UNC13C: variants seen among roughly 807,000 people sequenced by gnomAD.
UNC13C encodes protein unc-13 homolog C.
A neutral mutation model predicts 245.4 loss-of-function variants in UNC13C; 174 were observed. That is an observed-to-expected ratio of 0.71 (90% CI 0.63 to 0.80). The LOEUF (loss-of-function observed/expected upper bound fraction) is 0.80. Ranked by LOEUF, UNC13C falls within the 30% of genes least tolerant of loss-of-function variation. The pLI is 0.00. For missense variants in UNC13C, 2,829 were observed against 2,602.9 expected (o/e 1.09, Z -1.89); for synonymous variants, 992 against 895.1 (o/e 1.11, Z -1.93).
At chr15:54,171,054 G>A (rs979335696) in intron 4 of UNC13C, among the ~76,000 whole-genome samples, 2 of 152,100 alleles carry the variant, frequency 1.3e-5, no homozygotes, top group African/African-American at 4.8e-5. Context: ...CAATTAATGA[G>A]TTTTGTCAAA....
chr15:54,368,173 C>T (rs74514595), intron 17 of UNC13C, among the ~76,000 whole-genome samples: 9,743 of 152,000 alleles, frequency 0.064, 535 homozygotes, highest in East Asian at 0.22. Context: ...ACACTTTACC[C>T]TATGTTTTTG....
Position 54,298,839 on chromosome 15 carries a change from C to G in UNC13C, c.4104+913C>G, listed in dbSNP as rs140899522. On this transcript the variant is annotated intron_variant, in intron 12 of 32. Transcript: ENST00000260323. Reference sequence around the variant, plus strand: ...TCATGTGTTTCAAAGTAACAAAGTACCTTCCTCAGAAAAAGACAACTGAAA... The same window carrying G: ...TCATGTGTTTCAAAGTAACAAAGTAGCTTCCTCAGAAAAAGACAACTGAAA... 3.9e-5 allele frequency among the ~76,000 whole-genome samples: 6 copies of G among 152,196 alleles called. No homozygotes were observed. The East Asian group carries it at 1.2e-3, about 29-fold the overall frequency.
intron 19 of UNC13C, among the ~76,000 whole-genome samples, chr15:54,493,016 G>A (rs1893790068): frequency 6.6e-6 from 1 of 152,138 alleles, no homozygotes; most frequent in African/African-American, 2.4e-5. Context: ...AAGTGATAGA[G>A]GAGCCCAAGA....
At chr15:53,843,204 C>T in the UNC13C span, among the ~76,000 whole-genome samples, 92 of 152,060 alleles carry the variant, frequency 6.1e-4, 2 homozygotes, top group South Asian at 0.019. Flanking sequence ...TTTGGGAGGC[C>T]GAGACAGGCA....
intron 2 of UNC13C, among the ~76,000 whole-genome samples, chr15:54,057,355 A>C (rs1197223808): frequency 7.9e-5 from 12 of 151,506 alleles, no homozygotes; most frequent in Non-Finnish European, 1.5e-5. Flanking sequence ...AGATCAAAAG[A>C]GACAAAGAAG....
rs1369659154 is a variant in UNC13C, at chr15:54,441,456, T to A, written c.4933+26389T>A. Among the ~76,000 whole-genome samples the A allele has an allele frequency of 2.6e-5, 4 of 152,102 alleles. 1 individual carries two copies. The highest frequency in any genetic ancestry group is 5.9e-5 in the Non-Finnish European group (4 of 67,992). On this transcript the variant is annotated intron_variant, in intron 19 of 32. Transcript: ENST00000260323. ...TTTCCTGATATATGTTCTTGGCACC[T>A]TTGGAGGGAATCAGTAGGCACCCTT...
Position 54,237,885 on chromosome 15 carries a change from T to A in UNC13C, c.3228+195T>A, listed in dbSNP as rs111830728. On this transcript the variant is annotated intron_variant, in intron 7 of 32. Transcript: ENST00000260323. ...AATCATTGTCTTCTCCTCAAATACT[T>A]ATAAACCTTCCTATCTTTACAAATG... 2.6e-5 allele frequency among the ~76,000 whole-genome samples: 4 copies of A among 152,276 alleles called. 1 individual carries two copies. Among genetic ancestry groups the A allele is most frequent in the African/African-American group, 9.6e-5 (4 of 41,560 alleles).
intron 24 of UNC13C, among the ~76,000 whole-genome samples, chr15:54,519,798 T>A (rs1895140021): frequency 6.6e-6 from 1 of 152,148 alleles, no homozygotes; most frequent in Non-Finnish European, 1.5e-5. Context: ...GTATTCATGC[T>A]GACACCACAG....
chr15:54,047,847 A>G (rs186900093), intron 2 of UNC13C, among the ~76,000 whole-genome samples: 2 of 152,260 alleles, frequency 1.3e-5, no homozygotes, highest in Non-Finnish European at 2.9e-5. Flanking sequence ...AAATAGTTCA[A>G]TGTTTTATTA....
intron 18 of UNC13C, among the ~76,000 whole-genome samples, chr15:54,403,932 A>G (rs1278866860): frequency 6.6e-6 from 1 of 152,150 alleles, no homozygotes; most frequent in Non-Finnish European, 1.5e-5. Context: ...AAAAATTTCT[A>G]CCACAGCATT....
chr15:54,374,411 C>A (rs1450035421), intron 17 of UNC13C, among the ~76,000 whole-genome samples: 1 of 152,170 alleles, frequency 6.6e-6, no homozygotes, highest in African/African-American at 2.4e-5. Flanking sequence ...CTCTCATGCC[C>A]CTCAGCACCC....
intron 4 of UNC13C, among the ~76,000 whole-genome samples, chr15:54,222,708 A>G (rs183239892): frequency 1.9e-4 from 29 of 152,228 alleles, no homozygotes; most frequent in Admixed American, 6.5e-5. Context: ...CAATCCCACC[A>G]TCAGTGAACA....
chr15:54,424,812 T>A (rs1409649010), intron 19 of UNC13C, among the ~76,000 whole-genome samples: 1 of 151,848 alleles, frequency 6.6e-6, no homozygotes, highest in Non-Finnish European at 1.5e-5. Flanking sequence ...CAGGAGCAGC[T>A]TGGATCATGG....
At chr15:53,992,138 G>A (rs150666482) in intron 1 of UNC13C, among the ~76,000 whole-genome samples, 1 of 151,968 alleles carries the variant, frequency 6.6e-6, no homozygotes, top group South Asian at 2.1e-4. Flanking sequence ...TCCTTGCCAG[G>A]TGTTAAATTT....
rs74554622 is a variant in UNC13C, at chr15:54,048,715, T to A, written c.2983+32829T>A. On this transcript the variant is annotated intron_variant, in intron 2 of 32. Transcript: ENST00000260323. ...CAAAGTCTTACATCATCTTCCCATT[T>A]TGAACTGCCTCCATATTCAGGGAGA... 615 of 287,122 alleles carry A rather than the reference T, an allele frequency of 2.1e-3. 7 individuals carry two copies. Among genetic ancestry groups the A allele is most frequent in the African/African-American group, 0.013 (597 of 44,560 alleles). 17.8% of individuals were successfully genotyped at this position (287,122 alleles called of 1,614,324 possible). A position where few individuals can be genotyped will look rare whatever the true frequency, so the allele number is the denominator to read the frequency against.
At chr15:54,254,626 A>G (rs150583538) in intron 8 of UNC13C, among the ~76,000 whole-genome samples, 58 of 152,322 alleles carry the variant, frequency 3.8e-4, no homozygotes, top group African/African-American at 1.4e-3. Context: ...TGAGTTAGGA[A>G]ACTCAGTCTA....
intron 1 of UNC13C, among the ~76,000 whole-genome samples, chr15:53,982,336 A>G (rs1330478611): frequency 6.6e-6 from 1 of 152,162 alleles, no homozygotes; most frequent in African/African-American, 2.4e-5. Context: ...CATGTGTTTT[A>G]TAAGTTGAAA....
At chr15:54,580,637 G>GA (rs140627904) in intron 30 of UNC13C, among the ~76,000 whole-genome samples, 6,771 of 152,252 alleles carry the variant, frequency 0.044, 519 homozygotes, top group African/African-American at 0.16. Context: ...AACTACAAGT[G>GA]ATAATACCCA....
chr15:53,928,587 C>T, the UNC13C span, among the ~76,000 whole-genome samples: 1 of 150,612 alleles, frequency 6.6e-6, no homozygotes, highest in Non-Finnish European at 1.5e-5. Flanking sequence ...GAATATCTAA[C>T]TATGTAAAAA....
Sources: gnomAD v4.1 joint callset for allele counts (sites outside exome capture counted in the v4.1 genomes callset) on GRCh38, gnomAD v4.1.1 for gene constraint, MANE v1.5 for transcripts, NCBI Gene and HGNC (gene_info 2026-07-23, HGNC 2026-07-21) for gene names.